SPAG16: variants seen among roughly 807,000 people sequenced by gnomAD.
The protein encoded by SPAG16 is sperm-associated antigen 16 protein.
SPAG16 carries 86 observed loss-of-function variants against 80.4 expected under a neutral mutation model. That is an observed-to-expected ratio of 1.07 (90% CI 0.90 to 1.28). SPAG16 has a LOEUF of 1.28. Among genes scored for constraint, SPAG16 ranks in the 50% most tolerant of loss-of-function variants. SPAG16 has a pLI of 0.00. For synonymous variants in SPAG16, 294 were observed against 265.9 expected (o/e 1.11, Z -1.03); for missense variants, 870 against 765.3 (o/e 1.14, Z -1.61).
intron 14 of SPAG16, among the ~76,000 whole-genome samples, chr2:214,110,166 GT>G (rs1270952873): frequency 1.3e-5 from 2 of 151,848 alleles, no homozygotes; most frequent in African/African-American, 4.8e-5. Flanking sequence ...ATACTTTAAG[GT>G]CTAGGGTACA....
chr2:213,435,456 G>A (rs185383046), intron 9 of SPAG16, among the ~76,000 whole-genome samples: 2 of 152,234 alleles, frequency 1.3e-5, no homozygotes, highest in East Asian at 3.9e-4. Context: ...TCAATTACTG[G>A]TTACGCTGAA....
At position 214,359,633 on chromosome 2, in the gene SPAG16, A is replaced by T. The variant is rs1267732387; in HGVS notation, c.1721-50507A>T. ...GCAGGGTTCTATTTACATCTTTAAT[A>T]GAGTAAATATCAAAGGAACATAAAG... is the stretch of plus-strand genomic sequence containing the variant. On this transcript the variant is annotated intron_variant, in intron 15 of 15. Coordinates refer to ENST00000331683, the MANE Select transcript of SPAG16 (RefSeq NM_024532.5). Among the ~76,000 whole-genome samples the T allele has an allele frequency of 2.0e-5, 3 of 152,016 alleles. No individual in the cohort carries two copies. In the East Asian group the frequency reaches 5.8e-4, roughly 29 times the overall value.
intron 12 of SPAG16, among the ~76,000 whole-genome samples, chr2:214,002,984 T>A (rs2046863149): frequency 6.6e-6 from 1 of 152,090 alleles, no homozygotes; most frequent in South Asian, 2.1e-4. Context: ...CCAATAGTGG[T>A]GTGCTTGCAA....
intron 10 of SPAG16, among the ~76,000 whole-genome samples, chr2:213,637,300 A>C (rs1574591973): frequency 6.6e-6 from 1 of 152,210 alleles, no homozygotes; most frequent in East Asian, 1.9e-4. Flanking sequence ...CCCTGTAAGA[A>C]ACCCACTTGA....
intron 4 of SPAG16, among the ~76,000 whole-genome samples, chr2:213,313,173 CTA>C (rs2063267997): frequency 6.6e-6 from 1 of 151,718 alleles, no homozygotes; most frequent in Admixed American, 6.6e-5. Flanking sequence ...CTAATTTTTG[CTA>C]TGTTACATTA....
chr2:214,258,738 A>C (rs1690906095), intron 15 of SPAG16, among the ~76,000 whole-genome samples: 1 of 151,692 alleles, frequency 6.6e-6, no homozygotes, highest in Non-Finnish European at 1.5e-5. Flanking sequence ...TTTATTCTTC[A>C]GATTGGATTA....
intron 9 of SPAG16, among the ~76,000 whole-genome samples, chr2:213,401,606 C>T (rs1172943627): frequency 6.6e-6 from 1 of 152,102 alleles, no homozygotes; most frequent in Admixed American, 6.6e-5. Flanking sequence ...TTTTTCATCC[C>T]TTTATTTTCA....
intron 9 of SPAG16, among the ~76,000 whole-genome samples, chr2:213,451,051 T>G (rs1226764267): frequency 2.0e-5 from 3 of 152,200 alleles, no homozygotes; most frequent in Non-Finnish European, 4.4e-5. Context: ...TGAATTTTAT[T>G]TGGTTTTACT....
In SPAG16 at chr2:213,374,996, A is replaced by G. The variant is rs2066814970; in HGVS notation, c.833-14A>G. ...ACAGTGCAAATATTAAGAATAAATT[A>G]TATTATCTTGTAGTTGATCATAGTC... On this transcript the variant is annotated splice_polypyrimidine_tract_variant and intron_variant, in intron 8 of 15. Transcript: ENST00000331683. 1 of 1,549,870 alleles carries G rather than the reference A, an allele frequency of 6.5e-7. No homozygotes were observed. Among genetic ancestry groups the G allele is most frequent in the South Asian group, 1.2e-5 (1 of 84,600 alleles).
intron 10 of SPAG16, among the ~76,000 whole-genome samples, chr2:213,848,607 C>A (rs1343753690): frequency 6.6e-6 from 1 of 152,184 alleles, no homozygotes; most frequent in Non-Finnish European, 1.5e-5. Context: ...GTTGCCACCC[C>A]TGAATTCAAG....
At chr2:213,956,806 A>G (rs935502366) in intron 12 of SPAG16, among the ~76,000 whole-genome samples, 1 of 152,000 alleles carries the variant, frequency 6.6e-6, no homozygotes, top group Non-Finnish European at 1.5e-5. Context: ...CATGGCTTTC[A>G]TTGCATTCCA....
intron 10 of SPAG16, among the ~76,000 whole-genome samples, chr2:213,718,135 C>G (rs1390739296): frequency 5.3e-5 from 3 of 56,352 alleles, no homozygotes; most frequent in African/African-American, 1.7e-4. Context: ...CTACAAAGAA[C>G]TTAAACAAGT....
intron 10 of SPAG16, among the ~76,000 whole-genome samples, chr2:213,701,212 C>T (rs1302237286): frequency 1.3e-5 from 2 of 151,698 alleles, no homozygotes; most frequent in South Asian, 2.1e-4. Flanking sequence ...AGCACTCCAA[C>T]CTAGGCGACA....
At chr2:213,961,357 C>A (rs2044408605) in intron 12 of SPAG16, among the ~76,000 whole-genome samples, 1 of 152,108 alleles carries the variant, frequency 6.6e-6, no homozygotes, top group African/African-American at 2.4e-5. Context: ...GAGAATTTTA[C>A]TTCTTCCTTT....
intron 15 of SPAG16, among the ~76,000 whole-genome samples, chr2:214,299,862 G>A (rs1376935103): frequency 1.3e-5 from 2 of 152,112 alleles, no homozygotes; most frequent in African/African-American, 2.4e-5. Context: ...GAATAACTTG[G>A]TGTTTCTGGG....
intron 12 of SPAG16, among the ~76,000 whole-genome samples, chr2:213,996,761 G>A (rs2046538152): frequency 6.6e-6 from 1 of 151,952 alleles, no homozygotes; most frequent in East Asian, 1.9e-4. Flanking sequence ...GTAGAGACGG[G>A]GTTTCACCAT....
chr2:213,525,279 CTTTTCTTT>C (rs2075843704), intron 10 of SPAG16, among the ~76,000 whole-genome samples: 1 of 132,354 alleles, frequency 7.6e-6, no homozygotes, highest in East Asian at 2.2e-4. Context: ...ACCTCTTTTC[CTTTTCTTT>C]TTTTTTTTTT....
intron 10 of SPAG16, among the ~76,000 whole-genome samples, chr2:213,508,587 A>G (rs2075072289): frequency 6.6e-6 from 1 of 152,200 alleles, no homozygotes. Flanking sequence ...TCAAAAGAAA[A>G]AAAAAAATGA....
intron 9 of SPAG16, among the ~76,000 whole-genome samples, chr2:213,456,813 A>G (rs1328637438): frequency 1.3e-5 from 2 of 152,098 alleles, no homozygotes; most frequent in Non-Finnish European, 2.9e-5. Context: ...TTCAGATGTA[A>G]TTAATTGTTT....
Sources: gnomAD v4.1 joint callset for allele counts (sites outside exome capture counted in the v4.1 genomes callset) on GRCh38, gnomAD v4.1.1 for gene constraint, MANE v1.5 for transcripts, NCBI Gene and HGNC (gene_info 2026-07-23, HGNC 2026-07-21) for gene names.